Variants in SLC38A1 observed in about 807,000 individuals in gnomAD.
The protein encoded by SLC38A1 is solute carrier family 38 member 1.
A neutral mutation model predicts 60.3 loss-of-function variants in SLC38A1; 18 were observed. That is an observed-to-expected ratio of 0.30 (90% CI 0.21 to 0.44). SLC38A1 has a LOEUF of 0.44. SLC38A1 is among the 20% of genes least tolerant of loss of function. The probability of loss-of-function intolerance (pLI) is 1.00; values close to 1 mark genes in which losing one functional copy is unlikely to be tolerated. For missense variants in SLC38A1, 448 were observed against 587.2 expected (o/e 0.76, Z 2.45); for synonymous variants, 196 against 212.1 (o/e 0.92, Z 0.66).
chr12:46,268,957 T>C lies in SLC38A1; in HGVS notation c.-640A>G, dbSNP rs1942457499. 2.2e-6 allele frequency: 1 copy of C among 446,564 alleles called. No individual in the cohort carries two copies. Among genetic ancestry groups the C allele is most frequent in the Non-Finnish European group, 4.5e-6 (1 of 220,702 alleles). The allele number at this position is 446,564 out of a possible 1,614,324, so 27.7% of individuals were successfully genotyped here. Reference sequence around the variant, plus strand: ...TCCGCAACCATGGCTTGTGATGGTTTAACGCGGACAGGCCATTCCTCCCCG... The same window carrying C: ...TCCGCAACCATGGCTTGTGATGGTTCAACGCGGACAGGCCATTCCTCCCCG... On this transcript the variant is annotated 5_prime_UTR_variant, in exon 1 of 17. The change abolishes the stop of an existing upstream ORF in the 5' untranslated region. Transcript: ENST00000398637. The surrounding 1 kb of genome is among the most constrained non-coding windows in gnomAD (Gnocchi z 4.4).
At chr12:46,250,297 C>G (rs1221643955) in intron 1 of SLC38A1, among the ~76,000 whole-genome samples, 1 of 152,170 alleles carries the variant, frequency 6.6e-6, no homozygotes, top group Non-Finnish European at 1.5e-5. Flanking sequence ...GCGCTTCAGG[C>G]TAAAAACTCT....
intron 1 of SLC38A1, among the ~76,000 whole-genome samples, chr12:46,261,739 C>T (rs1942203186): frequency 6.6e-6 from 1 of 152,138 alleles, no homozygotes; most frequent in African/African-American, 2.4e-5. Context: ...TCATTACTGT[C>T]CCAGCCACTA....
chr12:46,214,973 C>T (rs1369491244), intron 5 of SLC38A1, among the ~76,000 whole-genome samples: 2 of 152,164 alleles, frequency 1.3e-5, no homozygotes, highest in African/African-American at 4.8e-5. Flanking sequence ...CATGACTCTC[C>T]CTTGCAAAGT....
rs906735875 is a variant in SLC38A1 at position 46,187,450 on chromosome 12, T to C, written c.*1520A>G. 2 of 152,252 alleles carry C rather than the reference T, an allele frequency of 1.3e-5. No individual in the cohort carries two copies. The highest frequency in any genetic ancestry group is 2.9e-5 in the Non-Finnish European group (2 of 68,044). The allele number at this position is 152,252 out of a possible 1,614,324, so 9.4% of individuals were successfully genotyped here. On this transcript the variant is annotated 3_prime_UTR_variant, in exon 17 of 17. Transcript: ENST00000398637. The stretch of plus-strand genomic sequence containing the variant: ...CACATTTCTCACCATAGGCAAGCTA[T>C]GGACAATTCAATCACATGGGATGGC...
At chr12:46,219,963 G>A (rs575030586) in intron 5 of SLC38A1, among the ~76,000 whole-genome samples, 27 of 152,196 alleles carry the variant, frequency 1.8e-4, no homozygotes, top group Middle Eastern at 3.4e-3. Context: ...ACACACACAC[G>A]CACACACACC....
intron 12 of SLC38A1, among the ~76,000 whole-genome samples, chr12:46,202,593 GC>G (rs1939711059): frequency 6.6e-6 from 1 of 152,082 alleles, no homozygotes; most frequent in African/African-American, 2.4e-5. Context: ...TGATTTACTA[GC>G]CTTTTCACCC....
intron 1 of SLC38A1, among the ~76,000 whole-genome samples, chr12:46,253,626 T>C (rs1941931604): frequency 6.6e-6 from 1 of 152,210 alleles, no homozygotes. Context: ...CTGTACTTTG[T>C]GCTAACCTCC....
chr12:46,217,433 G>C (rs1382764749), intron 5 of SLC38A1, among the ~76,000 whole-genome samples: 1 of 152,194 alleles, frequency 6.6e-6, no homozygotes, highest in Non-Finnish European at 1.5e-5. Flanking sequence ...CGAACAGAGA[G>C]ACTTTGCGTG....
At chr12:46,192,438 T>A (rs1292608663) in intron 16 of SLC38A1, among the ~76,000 whole-genome samples, 3 of 152,196 alleles carry the variant, frequency 2.0e-5, no homozygotes, top group Non-Finnish European at 4.4e-5. Flanking sequence ...CAGGATGAGC[T>A]AGCCTCATAA....
At chr12:46,194,747 G>A (rs1373654829) in intron 16 of SLC38A1, among the ~76,000 whole-genome samples, 5 of 152,114 alleles carry the variant, frequency 3.3e-5, no homozygotes, top group South Asian at 2.1e-4. Context: ...CATGAGTCTC[G>A]AAGTTCTTGT....
chr12:46,216,513 AG>A (rs1360915303), intron 5 of SLC38A1, among the ~76,000 whole-genome samples: 1 of 152,190 alleles, frequency 6.6e-6, no homozygotes, highest in Non-Finnish European at 1.5e-5. Context: ...GGCCTAGGGA[AG>A]CAATGCCAAT....
rs1305419051 is a variant in SLC38A1 at position 46,201,089 on chromosome 12, ATTAC to A, written c.1003+5_1003+8del. The A allele has an allele frequency of 6.4e-7, 1 of 1,569,064 alleles. No homozygotes were observed. The highest frequency in any genetic ancestry group is 1.4e-5 in the African/African-American group (1 of 73,818). ...TATTTATATTTATGTACCAGTAGAA[ATTAC>A]TTACCATAGAATGTCAAGTAGCCAA... On this transcript the variant is annotated splice_donor_5th_base_variant and intron_variant, in intron 13 of 16. Transcript: ENST00000398637.
chr12:46,257,883 A>G (rs1004489685), intron 1 of SLC38A1, among the ~76,000 whole-genome samples: 6 of 152,218 alleles, frequency 3.9e-5, no homozygotes, highest in Admixed American at 3.9e-4. Flanking sequence ...GGGTTCTTAG[A>G]TCTCGCACAA....
At chr12:46,220,713 T>TA (rs1380325673) in intron 5 of SLC38A1, among the ~76,000 whole-genome samples, 3 of 152,190 alleles carry the variant, frequency 2.0e-5, no homozygotes, top group African/African-American at 7.2e-5. Context: ...ATATGTAAAG[T>TA]AATAAAGCAA....
At chr12:46,198,953 A>C (rs1939513895) in intron 13 of SLC38A1, among the ~76,000 whole-genome samples, 1 of 152,208 alleles carries the variant, frequency 6.6e-6, no homozygotes, top group Non-Finnish European at 1.5e-5. Context: ...AATTTAAAGT[A>C]ATCACTGGAA....
chr12:46,196,202 G>A, intron 16 of SLC38A1: 1 of 1,536,066 alleles, frequency 6.5e-7, no homozygotes, highest in East Asian at 2.4e-5. Context: ...TGTTCAGTGA[G>A]AGCGCTGCAG....
At chr12:46,197,675 T>A in intron 16 of SLC38A1, 45 bp downstream of exon 16, 1 of 1,261,980 alleles carries the variant, frequency 7.9e-7, no homozygotes, top group East Asian at 2.3e-5. Flanking sequence ...TAAATTTAAA[T>A]GGAAAACTAA....
intron 3 of SLC38A1, among the ~76,000 whole-genome samples, chr12:46,230,957 A>C (rs563954138): frequency 6.6e-6 from 1 of 152,226 alleles, no homozygotes; most frequent in Non-Finnish European, 1.5e-5. Flanking sequence ...GTATCTACCC[A>C]AAGGAAAGGA....
rs1401038707 is a variant in SLC38A1, at chr12:46,201,203, A to G, written c.903-5T>C. ...TGCATTTTTTTCTGTGATCGGCTAAAAACAAATAAATGTTAAAAATTAAAA... is the reference window on the plus strand; with the variant it reads ...TGCATTTTTTTCTGTGATCGGCTAAGAACAAATAAATGTTAAAAATTAAAA... On this transcript the variant is annotated splice_polypyrimidine_tract_variant and splice_region_variant and intron_variant, in intron 12 of 16. Coordinates refer to ENST00000398637, the MANE Select transcript of SLC38A1 (RefSeq NM_030674.4). 1.2e-6 allele frequency: 2 copies of G among 1,607,122 alleles called. No homozygotes were observed. The highest frequency in any genetic ancestry group is 1.3e-5 in the African/African-American group (1 of 74,628).
Sources: gnomAD v4.1 joint callset for allele counts (sites outside exome capture counted in the v4.1 genomes callset) on GRCh38, gnomAD v4.1.1 for gene constraint, Gnocchi (gnomAD v3.1) non-coding constraint, MANE v1.5 for transcripts, NCBI Gene and HGNC (gene_info 2026-07-23, HGNC 2026-07-21) for gene names.